Variants in BTAF1 observed in about 807,000 individuals in gnomAD.
BTAF1 encodes TATA-binding protein-associated factor 172.
A neutral mutation model predicts 227.1 loss-of-function variants in BTAF1; 38 were observed. That is an observed-to-expected ratio of 0.17 (90% confidence interval 0.13 to 0.22). The LOEUF is 0.22. BTAF1 is among the 10% of genes least tolerant of loss of function. The pLI is 1.00. For missense variants in BTAF1, 1,598 were observed against 2,204.0 expected, an observed-to-expected ratio of 0.73 and a Z score of 5.51; for synonymous variants, 742 against 751.9, an observed-to-expected ratio of 0.99 and a Z score of 0.21.
rs1476653371 is a variant in BTAF1, at chr10:91,996,377, G to A, written c.3318G>A (p.Gln1106=). The change falls in exon 24 of 38, where the codon CAG becomes CAA. Residue 1106 remains glutamine (Q), a synonymous_variant. Coordinates refer to ENST00000265990, the MANE Select transcript of BTAF1 (RefSeq NM_003972.3). ...MDSELHPLLV[Q]HLPHLYMCLQ... ...TAACTTTTTGTTTTTAGTTGGTCCA[G>A]CATTTGCCACATCTTTATATGTGCC... is the stretch of plus-strand genomic sequence containing the variant. 6.2e-7 allele frequency: 1 copy of A among 1,613,854 alleles called. No individual in the cohort carries two copies.
intron 12 of BTAF1, 69 bp downstream of exon 12, chr10:91,962,747 A>G (rs1846610273): frequency 2.9e-6 from 4 of 1,390,734 alleles, no homozygotes; most frequent in Non-Finnish European, 3.9e-6. Flanking sequence ...AGTATTAGAA[A>G]ATACATTGTG....
intron 33 of BTAF1, among the ~76,000 whole-genome samples, chr10:92,017,567 G>A (rs1850826873): frequency 1.3e-5 from 2 of 152,110 alleles, no homozygotes; most frequent in South Asian, 4.2e-4. Flanking sequence ...CCAGGCTGGA[G>A]TGGTGGGATC....
At chr10:92,019,281 C>G (rs1233664447) in intron 34 of BTAF1, among the ~76,000 whole-genome samples, 1 of 152,186 alleles carries the variant, frequency 6.6e-6, no homozygotes, top group African/African-American at 2.4e-5. Context: ...AATCTCTAAT[C>G]TACTTTCTCT....
In BTAF1 at chr10:91,924,004, GCT is replaced by G; in HGVS notation, c.-68_-67del. On this transcript the variant is annotated 5_prime_UTR_variant, in exon 1 of 38. It removes the in-frame stop codon of an upstream open reading frame in the 5' UTR. Coordinates refer to ENST00000265990, the MANE Select transcript of BTAF1 (RefSeq NM_003972.3). Reference sequence around the variant, plus strand: ...CCGCGGCCTGGGCCTGCGCCGCTCAGCTCTCTGGAAACTAGCGCCTCAGCTGC... The same window carrying G: ...CCGCGGCCTGGGCCTGCGCCGCTCAGCTCTGGAAACTAGCGCCTCAGCTGC... 3 of 1,567,038 alleles carry G rather than the reference GCT, an allele frequency of 1.9e-6. No homozygotes were observed. Among genetic ancestry groups the G allele is most frequent in the Non-Finnish European group, 2.6e-6 (3 of 1,160,106 alleles).
At chr10:91,939,895 G>T in intron 2 of BTAF1, 57 bp from the exon 3 acceptor site, 1 of 1,167,840 alleles carries the variant, frequency 8.6e-7, no homozygotes, top group South Asian at 1.4e-5. Context: ...CTCTGTTCTG[G>T]CTACCTTGCG....
chr10:91,957,210 G>T lies in BTAF1; in HGVS notation c.832-15G>T, dbSNP rs528929284. On this transcript the variant is annotated splice_polypyrimidine_tract_variant and intron_variant, in intron 7 of 37. Coordinates refer to ENST00000265990, the MANE Select transcript of BTAF1 (RefSeq NM_003972.3). ...GACCTTTTGAACTAGTAGTAATTCT[G>T]TTTTTCTTATTCAGACAAATGAATG... is the stretch of plus-strand genomic sequence containing the variant. 1 of 1,608,086 alleles carries T rather than the reference G, an allele frequency of 6.2e-7. No individual in the cohort carries two copies. The highest frequency in any genetic ancestry group is 2.2e-5 in the East Asian group (1 of 44,698).
chr10:91,940,119 A>G (rs992859837), intron 3 of BTAF1, 53 bp downstream of exon 3: 5 of 1,120,546 alleles, frequency 4.5e-6, no homozygotes, highest in South Asian at 2.8e-5. Flanking sequence ...TGTAGAATTA[A>G]TTATAATATG....
chr10:92,027,055 C>T, intron 36 of BTAF1, 75 bp from the exon 37 acceptor site: 2 of 1,451,540 alleles, frequency 1.4e-6, no homozygotes, highest in Non-Finnish European at 9.3e-7. Context: ...TAGTACAAGT[C>T]TACAAGCCCT....
intron 14 of BTAF1, among the ~76,000 whole-genome samples, chr10:91,973,712 G>A (rs541746351): frequency 2.0e-5 from 3 of 151,564 alleles, no homozygotes; most frequent in Admixed American, 1.3e-4. Flanking sequence ...AGACCATCCC[G>A]GCTAAAACGG....
chr10:91,965,619 T>C (rs1011355683), intron 13 of BTAF1, among the ~76,000 whole-genome samples: 1 of 152,224 alleles, frequency 6.6e-6, no homozygotes, highest in African/African-American at 2.4e-5. Flanking sequence ...TTGCTTCATA[T>C]ATTGTGATAC....
At chr10:92,005,294 A>G (rs1231901049) in intron 25 of BTAF1, among the ~76,000 whole-genome samples, 9 of 152,082 alleles carry the variant, frequency 5.9e-5, no homozygotes, top group Non-Finnish European at 1.5e-5. Flanking sequence ...AGAGAACCAT[A>G]TGAGTTTTAG....
intron 28 of BTAF1, among the ~76,000 whole-genome samples, chr10:92,010,676 C>A (rs564446131): frequency 6.6e-6 from 1 of 152,258 alleles, no homozygotes; most frequent in South Asian, 2.1e-4. Context: ...CCAAAACAAC[C>A]TTTGTGGTTA....
intron 36 of BTAF1, 24 bp downstream of exon 36, chr10:92,026,775 G>A (rs1851545656): frequency 6.2e-7 from 1 of 1,601,670 alleles, no homozygotes; most frequent in Admixed American, 1.7e-5. Flanking sequence ...TTACCTCACA[G>A]ATGTTAACCT....
intron 14 of BTAF1, among the ~76,000 whole-genome samples, chr10:91,980,225 T>C (rs1847971390): frequency 6.6e-6 from 1 of 152,178 alleles, no homozygotes; most frequent in African/African-American, 2.4e-5. Flanking sequence ...AATCAGACTT[T>C]TTCCAGCTTC....
intron 1 of BTAF1, 40 bp downstream of exon 1, chr10:91,924,130 A>C (rs1330547008): frequency 1.2e-6 from 2 of 1,601,604 alleles, no homozygotes; most frequent in Middle Eastern, 1.7e-4. Flanking sequence ...AAGGCGATTC[A>C]GGGAAGGCAT....
chr10:91,973,486 T>C (rs926394275), intron 14 of BTAF1, among the ~76,000 whole-genome samples: 2 of 152,148 alleles, frequency 1.3e-5, no homozygotes, highest in Non-Finnish European at 2.9e-5. Flanking sequence ...TGATATTTAA[T>C]TGTGATAATA....
chr10:91,957,188 C>A, intron 7 of BTAF1, 37 bp from the exon 8 acceptor site: 1 of 1,535,082 alleles, frequency 6.5e-7, no homozygotes, highest in South Asian at 1.1e-5. Flanking sequence ...TAAAATAGAC[C>A]TTTTGAACTA....
At chr10:91,964,301 ATAT>A (rs1846727030) in intron 13 of BTAF1, 100 bp downstream of exon 13, 4 of 1,354,732 alleles carry the variant, frequency 3.0e-6, no homozygotes, top group Non-Finnish European at 4.0e-6. Context: ...TTTAAGAATA[ATAT>A]TATTTAAGCT....
chr10:91,958,837 A>G (rs186339580), intron 8 of BTAF1, among the ~76,000 whole-genome samples: 4 of 152,258 alleles, frequency 2.6e-5, no homozygotes, highest in African/African-American at 9.6e-5. Flanking sequence ...ATTTTAGAAT[A>G]GCTGTTTTCT....
Sources: allele counts gnomAD v4.1 joint callset (sites outside exome capture counted in the v4.1 genomes callset), GRCh38; gene constraint gnomAD v4.1.1; transcripts MANE v1.5; gene names NCBI Gene and HGNC (gene_info 2026-07-23, HGNC 2026-07-21).